Variants in SAMD4A observed in about 807,000 individuals in gnomAD.
SAMD4A encodes the protein sterile alpha motif domain containing 4A.
SAMD4A carries 33 observed loss-of-function variants against 81.3 expected under a neutral mutation model. That is an observed-to-expected ratio of 0.41 (90% CI 0.31 to 0.54). The LOEUF (loss-of-function observed/expected upper bound fraction) is 0.54. Among genes scored for constraint, SAMD4A ranks in the 20% least tolerant of loss-of-function variants. The pLI, the probability that SAMD4A is intolerant of heterozygous loss-of-function variation, is 0.37. For missense variants in SAMD4A, 854 were observed against 951.1 expected (o/e 0.90, Z 1.34); for synonymous variants, 389 against 382.1 (o/e 1.02, Z -0.21).
intron 11 of SAMD4A, among the ~76,000 whole-genome samples, chr14:54,780,050 G>A (rs933498010): frequency 6.6e-6 from 1 of 152,170 alleles, no homozygotes; most frequent in Non-Finnish European, 1.5e-5. Flanking sequence ...AGAGGATCTT[G>A]GAGTGGCCCT....
chr14:54,756,059 C>A (rs1010031980), intron 6 of SAMD4A, among the ~76,000 whole-genome samples: 1 of 152,158 alleles, frequency 6.6e-6, no homozygotes, highest in Non-Finnish European at 1.5e-5. Flanking sequence ...AGATCTGAGA[C>A]CCCCAATTCC....
chr14:54,690,777 C>T (rs1378602110), intron 2 of SAMD4A, among the ~76,000 whole-genome samples: 1 of 152,082 alleles, frequency 6.6e-6, no homozygotes, highest in African/African-American at 2.4e-5. Flanking sequence ...TAGATTCAAA[C>T]AACACAGTAG....
intron 2 of SAMD4A, among the ~76,000 whole-genome samples, chr14:54,676,209 T>C (rs1367128486): frequency 6.6e-6 from 1 of 152,122 alleles, no homozygotes; most frequent in African/African-American, 2.4e-5. Context: ...CTACTTCACC[T>C]CTCATTTTGG....
intron 2 of SAMD4A, among the ~76,000 whole-genome samples, chr14:54,653,126 C>CTCTTACCT (rs1159099725): frequency 6.6e-6 from 1 of 151,650 alleles, no homozygotes; most frequent in Non-Finnish European, 1.5e-5. Context: ...CCTTCTTTCC[C>CTCTTACCT]TCTTACCTTC....
intron 2 of SAMD4A, among the ~76,000 whole-genome samples, chr14:54,573,083 G>A (rs1298617700): frequency 6.6e-6 from 1 of 152,186 alleles, no homozygotes; most frequent in African/African-American, 2.4e-5. Flanking sequence ...TTTGCTGAAT[G>A]AAATATTTAG....
chr14:54,640,474 G>A (rs559911856), intron 2 of SAMD4A, among the ~76,000 whole-genome samples: 4 of 152,088 alleles, frequency 2.6e-5, no homozygotes, highest in South Asian at 2.1e-4. Flanking sequence ...GACTCACTGC[G>A]GGGGAAACCT....
chr14:54,789,200 A>C lies in SAMD4A; in HGVS notation c.*256A>C. 1 of 332,230 alleles carries C rather than the reference A, an allele frequency of 3.0e-6. No individual in the cohort carries two copies. 20.6% of individuals were successfully genotyped at this position (332,230 alleles called of 1,614,324 possible). On this transcript the variant is annotated 3_prime_UTR_variant, in exon 13 of 13. Coordinates refer to ENST00000554335, the MANE Select transcript of SAMD4A (RefSeq NM_015589.6). ...TGGGGTGGGGAGGGGTCTCTAGGGA[A>C]TTATGAGACTGGGAGGGGGGTGGAG...
intron 2 of SAMD4A, among the ~76,000 whole-genome samples, chr14:54,647,490 T>C (rs1408749536): frequency 1.3e-5 from 2 of 152,256 alleles, no homozygotes; most frequent in Non-Finnish European, 2.9e-5. Flanking sequence ...CTTTCTGTGC[T>C]TGGCACCATT....
chr14:54,739,473 C>G, intron 4 of SAMD4A, among the ~76,000 whole-genome samples: 1 of 150,982 alleles, frequency 6.6e-6, no homozygotes, highest in Non-Finnish European at 1.5e-5. Context: ...CAAGAACTTC[C>G]TTGGATTGGG....
chr14:54,625,899 C>G (rs1431421602), intron 2 of SAMD4A, among the ~76,000 whole-genome samples: 2 of 151,824 alleles, frequency 1.3e-5, no homozygotes, highest in Admixed American at 1.3e-4. Flanking sequence ...CTCTTGACTT[C>G]TGCTTCAAAC....
At chr14:54,738,052 A>G (rs1262512317) in intron 4 of SAMD4A, among the ~76,000 whole-genome samples, 3 of 152,262 alleles carry the variant, frequency 2.0e-5, no homozygotes, top group South Asian at 2.1e-4. Context: ...CCACTTGTAC[A>G]AGGGCTGGGA....
chr14:54,626,318 T>C (rs536684615), intron 2 of SAMD4A, among the ~76,000 whole-genome samples: 1 of 152,344 alleles, frequency 6.6e-6, no homozygotes, highest in East Asian at 1.9e-4. Flanking sequence ...TAATGGCTTC[T>C]AAATTGTCAA....
chr14:54,669,322 G>A lies in SAMD4A; in HGVS notation c.197-32740G>A, dbSNP rs943964182. On this transcript the variant is annotated intron_variant, in intron 2 of 12. Coordinates refer to ENST00000554335, the MANE Select transcript of SAMD4A (RefSeq NM_015589.6). The stretch of plus-strand genomic sequence containing the variant: ...CTCTCCCTGAGCACCTGCTTTCCAC[G>A]GAATGCTCAGGAAAGAAAAAAGTCA... Among the ~76,000 whole-genome samples the A allele has an allele frequency of 3.3e-5, 5 of 152,206 alleles. No homozygotes were observed. In the South Asian group the frequency reaches 6.2e-4, roughly 19 times the overall value.
Position 54,567,728 on chromosome 14 carries a change from C to T in SAMD4A, c.-189C>T, listed in dbSNP as rs1376156922. The T allele has an allele frequency of 8.8e-6, 5 of 565,420 alleles. No homozygotes were observed. Among genetic ancestry groups the T allele is most frequent in the Non-Finnish European group, 3.0e-6 (1 of 328,390 alleles). The allele number at this position is 565,420 out of a possible 1,614,324, so 35.0% of individuals were successfully genotyped here. A position where few individuals can be genotyped will look rare whatever the true frequency, so the allele number is the denominator to read the frequency against. ...CTCTGGGGAAATCAGCCAGAACCAC[C>T]GGAACGTAACTGAAACCAGACAAGA... On this transcript the variant is annotated 5_prime_UTR_variant, in exon 2 of 13. Coordinates refer to ENST00000554335, the MANE Select transcript of SAMD4A (RefSeq NM_015589.6).
At chr14:54,741,188 C>A (rs2037834956) in intron 4 of SAMD4A, among the ~76,000 whole-genome samples, 1 of 152,188 alleles carries the variant, frequency 6.6e-6, no homozygotes, top group Non-Finnish European at 1.5e-5. Flanking sequence ...TTTCCCTGGG[C>A]AACTCATGAG....
chr14:54,635,456 A>C (rs2035013257), intron 2 of SAMD4A, among the ~76,000 whole-genome samples: 1 of 150,018 alleles, frequency 6.7e-6, no homozygotes, highest in Non-Finnish European at 1.5e-5. Flanking sequence ...TAAAATAAAA[A>C]ATTATCCAAC....
At chr14:54,611,813 G>A (rs113340885) in intron 2 of SAMD4A, among the ~76,000 whole-genome samples, 8 of 151,836 alleles carry the variant, frequency 5.3e-5, no homozygotes, top group African/African-American at 1.9e-4. Context: ...GGAGGTGGAG[G>A]TTGCAGTCAG....
intron 3 of SAMD4A, among the ~76,000 whole-genome samples, chr14:54,710,199 A>G (rs1008370104): frequency 5.3e-5 from 8 of 152,314 alleles, no homozygotes; most frequent in Admixed American, 3.9e-4. Context: ...TTCATGGCAC[A>G]TTGTGGAATC....
chr14:54,784,453 C>T (rs1485211520), intron 11 of SAMD4A, 84 bp from the exon 12 acceptor site: 3 of 1,613,340 alleles, frequency 1.9e-6, no homozygotes, highest in Admixed American at 3.3e-5. Flanking sequence ...GGGAGGTACA[C>T]CAGACCTTTC....
Sources: gnomAD v4.1 joint callset for allele counts (sites outside exome capture counted in the v4.1 genomes callset) on GRCh38, gnomAD v4.1.1 for gene constraint, MANE v1.5 for transcripts, NCBI Gene and HGNC (gene_info 2026-07-23, HGNC 2026-07-21) for gene names.